Variants in SLC26A7 observed in about 807,000 individuals in gnomAD.
SLC26A7 encodes anion exchange transporter.
SLC26A7 carries 59 observed loss-of-function variants against 82.5 expected under a neutral mutation model. That is an observed-to-expected ratio of 0.72 (90% confidence interval 0.58 to 0.89). SLC26A7 has a LOEUF of 0.89. Ranked by LOEUF, SLC26A7 falls within the 40% of genes least tolerant of loss-of-function variation. SLC26A7 has a pLI of 0.00. For missense variants in SLC26A7, 820 were observed against 793.0 expected (o/e 1.03, Z -0.41); for synonymous variants, 271 against 274.3 (o/e 0.99, Z 0.12).
intron 2 of SLC26A7, among the ~76,000 whole-genome samples, chr8:91,258,524 C>T (rs921809835): frequency 2.0e-5 from 3 of 152,168 alleles, no homozygotes; most frequent in South Asian, 2.1e-4. Flanking sequence ...CTGTCTAATA[C>T]ACCTGATGCC....
intron 2 of SLC26A7, among the ~76,000 whole-genome samples, chr8:91,263,445 T>C (rs1475022206): frequency 2.0e-5 from 3 of 152,094 alleles, no homozygotes; most frequent in Non-Finnish European, 4.4e-5. Flanking sequence ...TTATCCTTCT[T>C]GACTGAAAGC....
intron 2 of SLC26A7, among the ~76,000 whole-genome samples, chr8:91,261,924 C>G (rs948673200): frequency 1.3e-5 from 2 of 152,070 alleles, no homozygotes; most frequent in African/African-American, 4.8e-5. Context: ...GAGGCAGGCC[C>G]TGGTCCTTTT....
At chr8:91,331,212 C>G (rs1056391259) in intron 5 of SLC26A7, among the ~76,000 whole-genome samples, 2 of 152,126 alleles carry the variant, frequency 1.3e-5, no homozygotes, top group African/African-American at 4.8e-5. Flanking sequence ...CATATGAACT[C>G]AGAGGGGGCC....
At chr8:91,253,896 T>C (rs1267584502) in intron 2 of SLC26A7, among the ~76,000 whole-genome samples, 1 of 152,136 alleles carries the variant, frequency 6.6e-6, no homozygotes, top group African/African-American at 2.4e-5. Context: ...AATTAAAACA[T>C]TCTAGAAGCC....
At chr8:91,302,028 A>G (rs539687627) in intron 4 of SLC26A7, among the ~76,000 whole-genome samples, 2 of 152,112 alleles carry the variant, frequency 1.3e-5, no homozygotes, top group African/African-American at 4.8e-5. Flanking sequence ...AGTTTTGTCA[A>G]TAATTTCTAG....
intron 11 of SLC26A7, among the ~76,000 whole-genome samples, chr8:91,358,629 C>T (rs557081226): frequency 7.6e-4 from 116 of 151,698 alleles, no homozygotes; most frequent in Non-Finnish European, 3.0e-4. Context: ...CGCACCTGGC[C>T]GCACACATAT....
chr8:91,210,562 GACACACACACACACACAC>G (rs35968986), intron 1 of SLC26A7, among the ~76,000 whole-genome samples: 1 of 146,102 alleles, frequency 6.8e-6, no homozygotes, highest in Non-Finnish European at 1.5e-5. Flanking sequence ...CACACACACA[GACACACACACACACACAC>G]ACACACACAC....
At position 91,340,566 on chromosome 8, in the gene SLC26A7, C is replaced by T. The variant is rs764161521; in HGVS notation, c.1026+15C>T. On this transcript the variant is annotated intron_variant, in intron 8 of 18. Transcript: ENST00000276609. Reference sequence around the variant, plus strand: ...ATGACAACCAGGTGGAGTGTGCCCCCAGTCCCTCTCCACTCCAGTTGTATC... The same window carrying T: ...ATGACAACCAGGTGGAGTGTGCCCCTAGTCCCTCTCCACTCCAGTTGTATC... 3 of 1,613,638 alleles carry T rather than the reference C, an allele frequency of 1.9e-6. No individual in the cohort carries two copies. The highest frequency in any genetic ancestry group is 1.7e-6 in the Non-Finnish European group (2 of 1,179,788).
chr8:91,298,122 A>G (rs1426455451), intron 4 of SLC26A7, among the ~76,000 whole-genome samples: 2 of 152,140 alleles, frequency 1.3e-5, no homozygotes, highest in Non-Finnish European at 2.9e-5. Flanking sequence ...AACACATTCA[A>G]TTGATGAACT....
At chr8:91,308,206 A>G (rs1812376230) in intron 4 of SLC26A7, among the ~76,000 whole-genome samples, 1 of 151,390 alleles carries the variant, frequency 6.6e-6, no homozygotes, top group African/African-American at 2.4e-5. Flanking sequence ...TGATGTTTTT[A>G]CCATGATTAG....
At chr8:91,358,464 G>A (rs1412185358) in intron 11 of SLC26A7, among the ~76,000 whole-genome samples, 1 of 151,612 alleles carries the variant, frequency 6.6e-6, no homozygotes, top group African/African-American at 2.4e-5. Context: ...CAAGTAGCTG[G>A]GACTACAGGT....
intron 2 of SLC26A7, among the ~76,000 whole-genome samples, chr8:91,240,313 A>C (rs1810456794): frequency 6.6e-6 from 1 of 152,210 alleles, no homozygotes; most frequent in Non-Finnish European, 1.5e-5. Context: ...ACACAATATC[A>C]TCCCAATCTG....
chr8:91,318,349 C>CAT lies in SLC26A7; in HGVS notation c.618_619dup (p.Ser207TyrfsTer31), dbSNP rs1812700335. 1 of 1,610,448 alleles carries CAT rather than the reference C, an allele frequency of 6.2e-7. No individual in the cohort carries two copies. Among genetic ancestry groups the CAT allele is most frequent in the Non-Finnish European group, 8.5e-7 (1 of 1,178,184 alleles). On this transcript the variant is annotated frameshift_variant, in exon 5 of 19. Transcript: ENST00000276609. LOFTEE classifies it high-confidence loss of function. ...AAATATCTCTTGGGAATGAAAATGCCATATATATCCGGACCACTTGGATTC... is the reference window on the plus strand; with the variant it reads ...AAATATCTCTTGGGAATGAAAATGCCATATATATATCCGGACCACTTGGATTC...
intron 4 of SLC26A7, among the ~76,000 whole-genome samples, chr8:91,308,784 A>G (rs975600844): frequency 6.6e-6 from 1 of 152,018 alleles, no homozygotes; most frequent in African/African-American, 2.4e-5. Flanking sequence ...ATACTACTTT[A>G]TTTATTTTGC....
At chr8:91,234,867 C>CCTT (rs1325517138) in intron 2 of SLC26A7, among the ~76,000 whole-genome samples, 32 of 146,644 alleles carry the variant, frequency 2.2e-4, no homozygotes, top group Non-Finnish European at 3.6e-4. Context: ...TTCCTTCCTT[C>CCTT]CCTTCTTCCC....
At chr8:91,275,889 C>T (rs895669364) in intron 2 of SLC26A7, among the ~76,000 whole-genome samples, 3 of 152,088 alleles carry the variant, frequency 2.0e-5, no homozygotes, top group Non-Finnish European at 4.4e-5. Flanking sequence ...GCGTTGTGTG[C>T]CTTTTCCCTT....
At chr8:91,394,371 C>A in intron 18 of SLC26A7, 1 of 1,544,274 alleles carries the variant, frequency 6.5e-7, no homozygotes, top group Admixed American at 2.1e-5. Context: ...CCACCTTTCT[C>A]AAATATAAAA....
intron 5 of SLC26A7, among the ~76,000 whole-genome samples, 160 bp from the exon 6 acceptor site, chr8:91,334,135 C>T (rs1813172671): frequency 6.6e-6 from 1 of 152,152 alleles, no homozygotes; most frequent in African/African-American, 2.4e-5. Flanking sequence ...TAAATAAATA[C>T]ATAGCATTAG....
intron 15 of SLC26A7, among the ~76,000 whole-genome samples, chr8:91,384,764 G>GAGGA (rs34207560): frequency 0.024 from 3,580 of 149,986 alleles, 62 homozygotes; most frequent in South Asian, 0.059. Context: ...TGACTGCTGG[G>GAGGA]AGGAAGGAAG....
Sources: allele counts gnomAD v4.1 joint callset (sites outside exome capture counted in the v4.1 genomes callset), GRCh38; gene constraint gnomAD v4.1.1; transcripts MANE v1.5; gene names NCBI Gene and HGNC (gene_info 2026-07-23, HGNC 2026-07-21).